MTMR7: variants seen among roughly 807,000 people sequenced by gnomAD.
The protein encoded by MTMR7 is myotubularin related protein 7, also known as phosphatidylinositol-3-phosphate phosphatase MTMR7.
MTMR7 carries 76 observed loss-of-function variants against 81.2 expected under a neutral mutation model. That is an observed-to-expected ratio of 0.94 (90% confidence interval 0.78 to 1.13). MTMR7 has a LOEUF of 1.13. MTMR7 is among the 50% of genes most tolerant of loss of function. MTMR7 has a pLI of 0.00. For missense variants in MTMR7, 1,044 were observed against 820.0 expected (o/e 1.27, Z -3.34); for synonymous variants, 372 against 289.8 (o/e 1.28, Z -2.88).
At chr8:17,404,231 G>C (rs1262227939) in intron 1 of MTMR7, among the ~76,000 whole-genome samples, 1 of 152,072 alleles carries the variant, frequency 6.6e-6, no homozygotes, top group Non-Finnish European at 1.5e-5. Context: ...GATAAGGTGA[G>C]GATTTACTAT....
intron 8 of MTMR7, among the ~76,000 whole-genome samples, chr8:17,312,603 T>A (rs1817850242): frequency 7.0e-6 from 1 of 142,114 alleles, no homozygotes; most frequent in Non-Finnish European, 1.5e-5. Context: ...AAAAAAAAAT[T>A]CTCTGTCTCC....
intron 11 of MTMR7, among the ~76,000 whole-genome samples, chr8:17,305,223 T>C (rs1053289742): frequency 5.9e-5 from 9 of 152,230 alleles, no homozygotes; most frequent in Non-Finnish European, 1.3e-4. Context: ...GTTAAAACCA[T>C]TTCATTTTAT....
At chr8:17,410,228 G>A (rs1250933654) in intron 1 of MTMR7, among the ~76,000 whole-genome samples, 1 of 152,130 alleles carries the variant, frequency 6.6e-6, no homozygotes, top group Non-Finnish European at 1.5e-5. Flanking sequence ...GGTCTGTTTT[G>A]GAGGTTATCA....
intron 3 of MTMR7, 49 bp downstream of exon 3, chr8:17,370,988 A>T (rs1820400827): frequency 6.3e-6 from 10 of 1,581,412 alleles, no homozygotes; most frequent in Non-Finnish European, 8.6e-6. Context: ...TCTGATTTGC[A>T]AATTTTTAAG....
In MTMR7 at chr8:17,341,573, G is replaced by A. The variant is rs546377549; in HGVS notation, c.598-76C>T. ...GAGAGACACTCTACGTGTGTCTCCAGAACAAAGAGCCCTTGGCTCACTGAT... is the reference window on the plus strand; with the variant it reads ...GAGAGACACTCTACGTGTGTCTCCAAAACAAAGAGCCCTTGGCTCACTGAT... On this transcript the variant is annotated intron_variant, in intron 5 of 13. Coordinates refer to ENST00000180173, the MANE Select transcript of MTMR7 (RefSeq NM_004686.5). 187 of 1,528,044 alleles carry A rather than the reference G, an allele frequency of 1.2e-4. No individual in the cohort carries two copies. In the African/African-American group the frequency reaches 2.3e-3, roughly 18 times the overall value. 94.7% of individuals were successfully genotyped at this position (1,528,044 alleles called of 1,614,324 possible). A position where few individuals can be genotyped will look rare whatever the true frequency, so the allele number is the denominator to read the frequency against.
At position 17,371,199 on chromosome 8, in the gene MTMR7, T is replaced by C. The variant is rs762506961; in HGVS notation, c.148A>G (p.Ile50Val). 1 of 1,613,744 alleles carries C rather than the reference T, an allele frequency of 6.2e-7. No homozygotes were observed. The highest frequency in any genetic ancestry group is 1.3e-5 in the African/African-American group (1 of 74,908). ...NSPDPRKETWILHSQISTIEK... is the reference protein window; with the variant it reads ...NSPDPRKETWVLHSQISTIEK... Reference sequence around the variant, plus strand: ...ATGGTGGAAATCTGACTGTGAAGAATCTAGAACCAAATGTTAATGTGCATA... The same window carrying C: ...ATGGTGGAAATCTGACTGTGAAGAACCTAGAACCAAATGTTAATGTGCATA... The change falls in exon 3 of 14, where the codon ATT becomes GTT. Residue 50 changes from isoleucine (I) to valine (V), a missense_variant and splice_region_variant. Coordinates refer to ENST00000180173, the MANE Select transcript of MTMR7 (RefSeq NM_004686.5).
intron 1 of MTMR7, among the ~76,000 whole-genome samples, chr8:17,384,281 G>C (rs930157384): frequency 6.6e-6 from 1 of 152,094 alleles, no homozygotes; most frequent in African/African-American, 2.4e-5. Context: ...CATAGTGGCA[G>C]GCACCTGTAG....
intron 1 of MTMR7, among the ~76,000 whole-genome samples, chr8:17,400,489 C>G (rs1821395519): frequency 2.0e-5 from 3 of 152,184 alleles, no homozygotes; most frequent in Admixed American, 6.5e-5. Flanking sequence ...TCCCAGCGGC[C>G]TTACAATGCT....
At chr8:17,344,645 C>T (rs1043610241) in intron 5 of MTMR7, among the ~76,000 whole-genome samples, 5 of 152,082 alleles carry the variant, frequency 3.3e-5, no homozygotes, top group Middle Eastern at 3.2e-3. Flanking sequence ...ACCTGGCTTC[C>T]AGTACCAGTT....
At position 17,299,714 on chromosome 8, in the gene MTMR7, C is replaced by A. The variant is rs1586121241; in HGVS notation, c.*148G>T. 9.5e-7 allele frequency: 1 copy of A among 1,058,128 alleles called. No homozygotes were observed. Among genetic ancestry groups the A allele is most frequent in the Non-Finnish European group, 1.4e-6 (1 of 737,694 alleles). 65.5% of individuals were successfully genotyped at this position (1,058,128 alleles called of 1,614,324 possible). A position where few individuals can be genotyped will look rare whatever the true frequency, so the allele number is the denominator to read the frequency against. Reference sequence around the variant, plus strand: ...TCTTCAGTATCTAAGAAATCAAGAACTGGGCACTTTTTTCCCTTTTCATAG... The same window carrying A: ...TCTTCAGTATCTAAGAAATCAAGAAATGGGCACTTTTTTCCCTTTTCATAG... On this transcript the variant is annotated 3_prime_UTR_variant, in exon 14 of 14. Coordinates refer to ENST00000180173, the MANE Select transcript of MTMR7 (RefSeq NM_004686.5).
intron 1 of MTMR7, among the ~76,000 whole-genome samples, chr8:17,408,395 C>CAAAAAAAAAAAAAAA (rs530240881): frequency 2.7e-3 from 63 of 23,496 alleles, no homozygotes; most frequent in Non-Finnish European, 5.7e-3. Context: ...GACTCCGTCT[C>CAAAAAAAAAAAAAAA]AAAAAAAAAA....
chr8:17,320,090 T>A (rs1313324395), intron 7 of MTMR7, among the ~76,000 whole-genome samples: 1 of 152,084 alleles, frequency 6.6e-6, no homozygotes, highest in Non-Finnish European at 1.5e-5. Flanking sequence ...ACATTTGGGA[T>A]AGACGGGGTT....
At position 17,297,432 on chromosome 8, in the gene MTMR7, G is replaced by C. The variant is rs1816754509; in HGVS notation, c.*2430C>G. On this transcript the variant is annotated 3_prime_UTR_variant, in exon 14 of 14. Coordinates refer to ENST00000180173, the MANE Select transcript of MTMR7 (RefSeq NM_004686.5). ...CAGCTCAGATTCATTTTTAGGAGAAGAAAGTAAACTAATGTGCTCTTAAAG... is the reference window on the plus strand; with the variant it reads ...CAGCTCAGATTCATTTTTAGGAGAACAAAGTAAACTAATGTGCTCTTAAAG... The C allele has an allele frequency of 6.6e-6, 1 of 151,864 alleles. No homozygotes were observed. Among genetic ancestry groups the C allele is most frequent in the Non-Finnish European group, 1.5e-5 (1 of 67,836 alleles). 9.4% of individuals were successfully genotyped at this position (151,864 alleles called of 1,614,324 possible). A position where few individuals can be genotyped will look rare whatever the true frequency, so the allele number is the denominator to read the frequency against.
At chr8:17,386,903 T>C (rs1820959805) in intron 1 of MTMR7, among the ~76,000 whole-genome samples, 1 of 152,180 alleles carries the variant, frequency 6.6e-6, no homozygotes, top group South Asian at 2.1e-4. Context: ...GAGTGGATGA[T>C]GGGTGACCAA....
chr8:17,359,473 C>T (rs933365363), intron 4 of MTMR7, among the ~76,000 whole-genome samples: 8 of 151,428 alleles, frequency 5.3e-5, no homozygotes, highest in Non-Finnish European at 1.2e-4. Context: ...GTAGCATGTG[C>T]CTGTAATCTT....
At chr8:17,392,442 C>A (rs1308277984) in intron 1 of MTMR7, among the ~76,000 whole-genome samples, 1 of 152,196 alleles carries the variant, frequency 6.6e-6, no homozygotes, top group Non-Finnish European at 1.5e-5. Flanking sequence ...AAAATTGCAT[C>A]CCTTTTTAAA....
intron 10 of MTMR7, among the ~76,000 whole-genome samples, chr8:17,306,974 C>T (rs59354233): frequency 1.1e-3 from 169 of 152,262 alleles, no homozygotes; most frequent in African/African-American, 3.9e-3. Context: ...AGGACATAGG[C>T]ATGGGCAAGG....
intron 3 of MTMR7, among the ~76,000 whole-genome samples, chr8:17,368,339 G>A (rs1477553449): frequency 6.6e-6 from 1 of 152,140 alleles, no homozygotes; most frequent in Non-Finnish European, 1.5e-5. Flanking sequence ...GGGGACCCCT[G>A]CTCTACAGAA....
intron 1 of MTMR7, among the ~76,000 whole-genome samples, chr8:17,381,534 T>G (rs771920437): frequency 6.6e-6 from 1 of 152,198 alleles, no homozygotes; most frequent in Non-Finnish European, 1.5e-5. Context: ...GTAAGTAAAG[T>G]TGCTCCGTAG....
Sources: gnomAD v4.1 joint callset for allele counts (sites outside exome capture counted in the v4.1 genomes callset) on GRCh38, gnomAD v4.1.1 for gene constraint, MANE v1.5 for transcripts, NCBI Gene and HGNC (gene_info 2026-07-23, HGNC 2026-07-21) for gene names.